CPNE6: variants seen among roughly 807,000 people sequenced by gnomAD.
CPNE6 encodes the protein copine 6.
In CPNE6, 33 loss-of-function variants were observed where a neutral mutation model predicts 71.5. That is an observed-to-expected ratio of 0.46 (90% CI 0.35 to 0.62). CPNE6 has a LOEUF of 0.62. Ranked by LOEUF, CPNE6 falls within the 20% of genes least tolerant of loss-of-function variation. CPNE6 has a pLI of 0.00. For missense variants in CPNE6, 576 were observed against 747.3 expected, an observed-to-expected ratio of 0.77 and a Z score of 2.67; for synonymous variants, 296 against 293.0, an observed-to-expected ratio of 1.01 and a Z score of -0.10.
In CPNE6 at chr14:24,077,872, TCCCA is replaced by T; in HGVS notation, c.*38-12_*38-9del. ...GTGTAGAAGAGAGTGCTTATGACTC[TCCCA>T]CCCCCTCCCAGGTGCCTGTCCTGAC... is the stretch of plus-strand genomic sequence containing the variant. On this transcript the variant is annotated splice_polypyrimidine_tract_variant and intron_variant, in intron 17 of 17. Transcript: ENST00000397016. The surrounding 1 kb of genome is among the most constrained non-coding windows in gnomAD (Gnocchi z 6.1). The T allele has an allele frequency of 1.2e-6, 1 of 862,962 alleles. No homozygotes were observed. Among genetic ancestry groups the T allele is most frequent in the Middle Eastern group, 3.5e-4 (1 of 2,836 alleles). The allele number at this position is 862,962 out of a possible 1,614,324, so 53.5% of individuals were successfully genotyped here. A position where few individuals can be genotyped will look rare whatever the true frequency, so the allele number is the denominator to read the frequency against.
Position 24,075,836 on chromosome 14 carries a change from G to T in CPNE6, c.874G>T (p.Val292Leu). The T allele has an allele frequency of 6.2e-7, 1 of 1,614,012 alleles. No homozygotes were observed. Among genetic ancestry groups the T allele is most frequent in the Non-Finnish European group, 8.5e-7 (1 of 1,179,988 alleles). ...CTCTCCCTACCTCCAGGTGGAGAAG[G>T]TGCACACCTTCCTGGATTACATCAT... The change falls in exon 11 of 18, where the codon GTG becomes TTG. Residue 292 changes from valine to leucine, a missense_variant. Physicochemically the swap from Val to Leu is conservative, Grantham distance 32. Around this residue, in one of 4 missense-constraint regions of CPNE6, gnomAD observed 9 missense variants for 35.7 expected, o/e 0.25. Coordinates refer to ENST00000397016, the Ensembl canonical transcript of CPNE6. The surrounding 1 kb of genome is among the most constrained non-coding windows in gnomAD (Gnocchi z 4.3).
Position 24,077,377 on chromosome 14 carries a change from G to A in CPNE6, c.1523G>A (p.Arg508Gln). 7 of 1,613,888 alleles carry A rather than the reference G, an allele frequency of 4.3e-6. No homozygotes were observed. The highest frequency in any genetic ancestry group is 5.9e-6 in the Non-Finnish European group (7 of 1,179,956). ...GACATTGTCCAGTTCGTGCCCTTCC[G>A]AGACTTCAAGGATGTGAGTCCCCCG... Residue 508 changes from arginine to glutamine, a missense_variant, in exon 16 of 18, where the codon CGA (arginine) becomes CAA (glutamine). Transcript: ENST00000397016. This position sits in a 1 kb window ranked among gnomAD's most constrained non-coding sequence, Gnocchi z 6.1.
Position 24,074,401 on chromosome 14 carries a change from G to A in CPNE6, c.498+36G>A. Reference sequence around the variant, plus strand: ...CAGAGTCCAGGCCCCCAACTCCCCTGTCACTCCTAGGCCTCCCACTCAAGA... The same window carrying A: ...CAGAGTCCAGGCCCCCAACTCCCCTATCACTCCTAGGCCTCCCACTCAAGA... On this transcript the variant is annotated intron_variant, in intron 6 of 17. Transcript: ENST00000397016. The surrounding 1 kb of genome is among the most constrained non-coding windows in gnomAD (Gnocchi z 4.5). The A allele has an allele frequency of 6.5e-7, 1 of 1,547,612 alleles. No individual in the cohort carries two copies. Among genetic ancestry groups the A allele is most frequent in the Non-Finnish European group, 8.7e-7 (1 of 1,145,768 alleles).
Position 24,073,547 on chromosome 14 carries a change from C to T in CPNE6, c.217C>T (p.Arg73Trp), listed in dbSNP as rs926235806. Reference sequence around the variant, plus strand: ...CTCCTGTTCCAGCCCTGTCTTCTCCCGGGTGCTGGCCCTTGAGTATTTTTT... The same window carrying T: ...CTCCTGTTCCAGCCCTGTCTTCTCCTGGGTGCTGGCCCTTGAGTATTTTTT... The change falls in exon 4 of 18, where the codon CGG becomes TGG. Residue 73 changes from arginine (R) to tryptophan (W), a missense_variant. By Grantham distance (101) the Arg-to-Trp change is moderately radical. Transcript: ENST00000397016. The surrounding 1 kb of genome is among the most constrained non-coding windows in gnomAD (Gnocchi z 5.5). 3 of 1,614,026 alleles carry T rather than the reference C, an allele frequency of 1.9e-6. No homozygotes were observed. The highest frequency in any genetic ancestry group is 2.2e-5 in the East Asian group (1 of 44,884).
rs1404324835 is a variant in CPNE6, at chr14:24,073,946, T to C, written c.349-105T>C. ...AGCCCAACCCTAGCCCAACTCAAAG[T>C]GCCAACCCTTGCAGACACTCAGAGC... is the stretch of plus-strand genomic sequence containing the variant. On this transcript the variant is annotated intron_variant, in intron 4 of 17. Transcript: ENST00000397016. This position sits in a 1 kb window ranked among gnomAD's most constrained non-coding sequence, Gnocchi z 5.5. The C allele has an allele frequency of 1.8e-6, 2 of 1,130,388 alleles. No individual in the cohort carries two copies. The highest frequency in any genetic ancestry group is 2.7e-6 in the Non-Finnish European group (2 of 749,162). The allele number at this position is 1,130,388 out of a possible 1,614,324, so 70.0% of individuals were successfully genotyped here. A position where few individuals can be genotyped will look rare whatever the true frequency, so the allele number is the denominator to read the frequency against.
chr14:24,074,924 T>C lies in CPNE6; in HGVS notation c.672+129T>C. 1 of 805,672 alleles carries C rather than the reference T, an allele frequency of 1.2e-6. No individual in the cohort carries two copies. The highest frequency in any genetic ancestry group is 2.1e-6 in the Non-Finnish European group (1 of 485,668). The allele number at this position is 805,672 out of a possible 1,614,324, so 49.9% of individuals were successfully genotyped here. A position where few individuals can be genotyped will look rare whatever the true frequency, so the allele number is the denominator to read the frequency against. On this transcript the variant is annotated intron_variant, in intron 8 of 17. Transcript: ENST00000397016. This position sits in a 1 kb window ranked among gnomAD's most constrained non-coding sequence, Gnocchi z 4.5. Reference sequence around the variant, plus strand: ...TAATCACATCCCACTGTGGGATAAATAATAGGTCACAGCTCAATGTTAAAC... The same window carrying C: ...TAATCACATCCCACTGTGGGATAAACAATAGGTCACAGCTCAATGTTAAAC...
At position 24,076,830 on chromosome 14, in the gene CPNE6, G is replaced by A. The variant is rs550194065; in HGVS notation, c.1166-49G>A. ...TTCCTTGCTTTAAGGAGTGTCAGGA[G>A]GGGGCCCTGCTCATTTCTGCCAGCT... On this transcript the variant is annotated intron_variant, in intron 14 of 17. Coordinates refer to ENST00000397016, the Ensembl canonical transcript of CPNE6. 5 of 1,607,892 alleles carry A rather than the reference G, an allele frequency of 3.1e-6. No individual in the cohort carries two copies. The Admixed American group carries it at 6.7e-5, about 21-fold the overall frequency.
At position 24,074,668 on chromosome 14, in the gene CPNE6, C is replaced by A; in HGVS notation, c.583-38C>A. The stretch of plus-strand genomic sequence containing the variant: ...GGAGGGAGAGTAAAGTAAGAAGACA[C>A]AGACAGGAGCTGACCAGCCACCTGG... On this transcript the variant is annotated intron_variant, in intron 7 of 17. Coordinates refer to ENST00000397016, the Ensembl canonical transcript of CPNE6. The surrounding 1 kb of genome is among the most constrained non-coding windows in gnomAD (Gnocchi z 4.5). The A allele has an allele frequency of 6.2e-7, 1 of 1,613,320 alleles. No individual in the cohort carries two copies. Among genetic ancestry groups the A allele is most frequent in the South Asian group, 1.1e-5 (1 of 91,066 alleles).
In CPNE6 at chr14:24,073,981, T is replaced by C. The variant is rs1000745403; in HGVS notation, c.349-70T>C. The stretch of plus-strand genomic sequence containing the variant: ...TGCAGACACTCAGAGCATTTATTAT[T>C]CCATCCCTTGTACGTGGCCAAGGCA... On this transcript the variant is annotated intron_variant, in intron 4 of 17. Transcript: ENST00000397016. This position sits in a 1 kb window ranked among gnomAD's most constrained non-coding sequence, Gnocchi z 5.5. The C allele has an allele frequency of 5.1e-6, 7 of 1,363,104 alleles. No individual in the cohort carries two copies. The highest frequency in any genetic ancestry group is 4.6e-5 in the East Asian group (2 of 43,690). The allele number at this position is 1,363,104 out of a possible 1,614,324, so 84.4% of individuals were successfully genotyped here.
rs147688244 is a variant in CPNE6 at position 24,073,975 on chromosome 14, T to C, written c.349-76T>C. 28 of 1,338,624 alleles carry C rather than the reference T, an allele frequency of 2.1e-5. No individual in the cohort carries two copies. The highest frequency in any genetic ancestry group is 1.2e-4 in the Admixed American group (7 of 59,470). 82.9% of individuals were successfully genotyped at this position (1,338,624 alleles called of 1,614,324 possible). On this transcript the variant is annotated intron_variant, in intron 4 of 17. Coordinates refer to ENST00000397016, the Ensembl canonical transcript of CPNE6. This position sits in a 1 kb window ranked among gnomAD's most constrained non-coding sequence, Gnocchi z 5.5. Reference sequence around the variant, plus strand: ...AACCCTTGCAGACACTCAGAGCATTTATTATTCCATCCCTTGTACGTGGCC... The same window carrying C: ...AACCCTTGCAGACACTCAGAGCATTCATTATTCCATCCCTTGTACGTGGCC...
chr14:24,077,065 G>A lies in CPNE6; in HGVS notation c.1299+53G>A. On this transcript the variant is annotated intron_variant, in intron 15 of 17. Coordinates refer to ENST00000397016, the Ensembl canonical transcript of CPNE6. This position sits in a 1 kb window ranked among gnomAD's most constrained non-coding sequence, Gnocchi z 6.1. ...GCTGTCCCATGTGTCTTTAAGTGGT[G>A]CCAGGGCCAGGGTCTGCACCTTGGT... 6.2e-7 allele frequency: 1 copy of A among 1,601,220 alleles called. No individual in the cohort carries two copies. Among genetic ancestry groups the A allele is most frequent in the East Asian group, 2.2e-5 (1 of 44,792 alleles).
chr14:24,075,923 A>T lies in CPNE6; in HGVS notation c.924+37A>T. The T allele has an allele frequency of 6.2e-7, 1 of 1,609,530 alleles. No homozygotes were observed. The highest frequency in any genetic ancestry group is 8.5e-7 in the Non-Finnish European group (1 of 1,176,020). On this transcript the variant is annotated intron_variant, in intron 11 of 17. Coordinates refer to ENST00000397016, the Ensembl canonical transcript of CPNE6. The surrounding 1 kb of genome is among the most constrained non-coding windows in gnomAD (Gnocchi z 4.3). ...GAGGGAGGGCACACAGGCAAGAGGGAGGGGCTGAGTCCATAGTGAAAGGAA... is the reference window on the plus strand; with the variant it reads ...GAGGGAGGGCACACAGGCAAGAGGGTGGGGCTGAGTCCATAGTGAAAGGAA...
rs2035958078 is a variant in CPNE6 at position 24,073,239 on chromosome 14, C to T, written c.168+135C>T. 9.5e-7 allele frequency: 1 copy of T among 1,048,348 alleles called. No individual in the cohort carries two copies. Among genetic ancestry groups the T allele is most frequent in the Non-Finnish European group, 1.3e-6 (1 of 772,430 alleles). The allele number at this position is 1,048,348 out of a possible 1,614,324, so 64.9% of individuals were successfully genotyped here. ...GCCTTCTCGAGGCCGCTTGGGTACCCTGGAGATGGTGTCCCAGAGGGTCCT... is the reference window on the plus strand; with the variant it reads ...GCCTTCTCGAGGCCGCTTGGGTACCTTGGAGATGGTGTCCCAGAGGGTCCT... On this transcript the variant is annotated intron_variant, in intron 3 of 17. Coordinates refer to ENST00000397016, the Ensembl canonical transcript of CPNE6. The surrounding 1 kb of genome is among the most constrained non-coding windows in gnomAD (Gnocchi z 5.5).
At chr14:24,076,718 C>T in intron 14 of CPNE6, 161 bp downstream of exon 13, 1 of 1,437,540 alleles carries the variant, frequency 7.0e-7, no homozygotes, top group African/African-American at 1.4e-5. Flanking sequence ...CATCTGCACC[C>T]AACTCTCCCT....
rs778865043 is a variant in CPNE6, at chr14:24,073,534, C to T, written c.204C>T (p.Ser68=). The T allele has an allele frequency of 1.4e-5, 22 of 1,613,936 alleles. No homozygotes were observed. Among genetic ancestry groups the T allele is most frequent in the Non-Finnish European group, 1.9e-5 (22 of 1,180,014 alleles). The change falls in exon 4 of 18, where the codon AGC becomes AGT. Residue 68 remains serine (S), a synonymous_variant. Coordinates refer to ENST00000397016, the Ensembl canonical transcript of CPNE6. The surrounding 1 kb of genome is among the most constrained non-coding windows in gnomAD (Gnocchi z 5.5). ...CAGAGGTGCTTCGCTCCTGTTCCAG[C>T]CCTGTCTTCTCCCGGGTGCTGGCCC...
chr14:24,075,934 C>T lies in CPNE6; in HGVS notation c.924+48C>T, dbSNP rs772260385. 1.2e-6 allele frequency: 2 copies of T among 1,603,010 alleles called. No individual in the cohort carries two copies. Among genetic ancestry groups the T allele is most frequent in the East Asian group, 2.2e-5 (1 of 44,822 alleles). ...CACAGGCAAGAGGGAGGGGCTGAGT[C>T]CATAGTGAAAGGAAGGAGCCCAGAA... On this transcript the variant is annotated intron_variant, in intron 11 of 17. Transcript: ENST00000397016. This position sits in a 1 kb window ranked among gnomAD's most constrained non-coding sequence, Gnocchi z 4.3.
At chr14:24,071,501 G>GGGGCGCCCCCCCC in intron 1 of CPNE6, 61 bp from the exon 1 acceptor site, 1 of 1,416,704 alleles carries the variant, frequency 7.1e-7, no homozygotes, top group Non-Finnish European at 9.3e-7. Flanking sequence ...CTGGTGCTGC[G>GGGGCGCCCCCCCC]CCCCCCCCCA....
In CPNE6 at chr14:24,077,099, T is replaced by C; in HGVS notation, c.1300-55T>C. On this transcript the variant is annotated intron_variant, in intron 15 of 17. Transcript: ENST00000397016. This position sits in a 1 kb window ranked among gnomAD's most constrained non-coding sequence, Gnocchi z 6.1. ...AGGGTCTGCACCTTGGTGGAAACGG[T>C]GTCAACGCCCTTGCACACAAAGCCA... The C allele has an allele frequency of 6.3e-7, 1 of 1,594,960 alleles. No individual in the cohort carries two copies. Among genetic ancestry groups the C allele is most frequent in the South Asian group, 1.1e-5 (1 of 90,606 alleles).
At chr14:24,072,631 A>C in intron 2 of CPNE6, 2 of 269,370 alleles carry the variant, frequency 7.4e-6, no homozygotes, top group Non-Finnish European at 1.4e-5. Flanking sequence ...GTGTAGATCA[A>C]TCGATGGCCT....
Sources: gnomAD v4.1 joint callset for allele counts on GRCh38, gnomAD v4.1.1 for gene constraint, gnomAD v4.1.1 regional missense constraint, Gnocchi (gnomAD v3.1) non-coding constraint, MANE v1.5 for transcripts, NCBI Gene and HGNC (gene_info 2026-07-23, HGNC 2026-07-21) for gene names.